Variants in GABRG3 observed in about 807,000 individuals in gnomAD.
GABRG3 encodes the protein gamma-aminobutyric acid type A receptor subunit gamma3.
GABRG3 carries 25 observed loss-of-function variants against 48.8 expected under a neutral mutation model. The observed-to-expected ratio is 0.51, with a 90% CI of 0.37 to 0.72. The LOEUF is 0.72. Among genes scored for constraint, GABRG3 ranks in the 30% least tolerant of loss-of-function variants. GABRG3 has a pLI of 0.00. For missense variants in GABRG3, 394 were observed against 577.9 expected (o/e 0.68, Z 3.26); for synonymous variants, 227 against 217.6 (o/e 1.04, Z -0.38).
At chr15:27,372,668 G>A (rs998498091) in intron 5 of GABRG3, among the ~76,000 whole-genome samples, 6 of 152,202 alleles carry the variant, frequency 3.9e-5, no homozygotes, top group Admixed American at 1.3e-4. Flanking sequence ...CTAGGCCACC[G>A]TGCCTGGCTT....
intron 3 of GABRG3, among the ~76,000 whole-genome samples, chr15:27,087,499 T>A (rs78544716): frequency 0.018 from 2,791 of 152,256 alleles, 84 homozygotes; most frequent in African/African-American, 0.063. Flanking sequence ...AGATGACTTT[T>A]AAAAAGGACA....
Position 27,420,361 on chromosome 15 carries a change from A to G in GABRG3, c.575-60289A>G, listed in dbSNP as rs142160686. 6.8e-3 allele frequency among the ~76,000 whole-genome samples: 1,030 copies of G among 152,362 alleles called. 16 individuals are homozygous for G. The highest frequency in any genetic ancestry group is 0.023 in the African/African-American group (970 of 41,582). On this transcript the variant is annotated intron_variant, in intron 5 of 9. Coordinates refer to ENST00000615808, the MANE Select transcript of GABRG3 (RefSeq NM_033223.5). The stretch of plus-strand genomic sequence containing the variant: ...AGACAAATACTGTATGATCTCATTT[A>G]TAAGTGAAATGTAAAACAGTTGAAC...
At chr15:27,170,688 C>T (rs1389870157) in intron 3 of GABRG3, among the ~76,000 whole-genome samples, 1 of 152,140 alleles carries the variant, frequency 6.6e-6, no homozygotes, top group East Asian at 1.9e-4. Flanking sequence ...TATCAGTGCT[C>T]TCAATTATTT....
intron 5 of GABRG3, among the ~76,000 whole-genome samples, chr15:27,381,894 A>G (rs1895788052): frequency 6.6e-6 from 1 of 152,160 alleles, no homozygotes; most frequent in Non-Finnish European, 1.5e-5. Context: ...TGTTGAGTGG[A>G]TGGAAGTATG....
chr15:27,003,423 T>A lies in GABRG3; in HGVS notation c.203-23331T>A, dbSNP rs544649186. ...CTTGAGATTAGGGAGTGGTGATGAC[T>A]CTTAACGAGCATGCTGCCTTCAAGC... On this transcript the variant is annotated intron_variant, in intron 2 of 9. Coordinates refer to ENST00000615808, the MANE Select transcript of GABRG3 (RefSeq NM_033223.5). 2.6e-5 allele frequency among the ~76,000 whole-genome samples: 4 copies of A among 151,244 alleles called. No individual in the cohort carries two copies. In the South Asian group the frequency reaches 8.3e-4, roughly 31 times the overall value.
intron 6 of GABRG3, among the ~76,000 whole-genome samples, chr15:27,518,698 G>A (rs912234768): frequency 1.3e-5 from 2 of 152,160 alleles, no homozygotes; most frequent in South Asian, 4.1e-4. Flanking sequence ...GTTTTGGCAA[G>A]TCTGAGGCCC....
intron 3 of GABRG3, among the ~76,000 whole-genome samples, chr15:27,184,900 A>T (rs556272838): frequency 6.6e-6 from 1 of 152,068 alleles, no homozygotes; most frequent in African/African-American, 2.4e-5. Flanking sequence ...TTCACTCCTG[A>T]TATTTGGCAA....
At chr15:27,327,060 C>A in intron 4 of GABRG3, 31 bp downstream of exon 4, 1 of 1,562,544 alleles carries the variant, frequency 6.4e-7, no homozygotes, top group Non-Finnish European at 8.8e-7. Flanking sequence ...TTGATTACTC[C>A]TGGTTTAAAA....
intron 6 of GABRG3, among the ~76,000 whole-genome samples, chr15:27,482,411 C>T (rs1265447165): frequency 1.3e-5 from 2 of 152,146 alleles, no homozygotes; most frequent in Non-Finnish European, 2.9e-5. Flanking sequence ...TATCCAGCAT[C>T]AATTCAAGTG....
At chr15:27,153,925 C>T (rs762471078) in intron 3 of GABRG3, among the ~76,000 whole-genome samples, 1 of 152,094 alleles carries the variant, frequency 6.6e-6, no homozygotes, top group Non-Finnish European at 1.5e-5. Flanking sequence ...TGCCTTTTGA[C>T]ATCACTTGTA....
chr15:27,389,198 A>C (rs920616264), intron 5 of GABRG3, among the ~76,000 whole-genome samples: 3 of 152,222 alleles, frequency 2.0e-5, no homozygotes, highest in African/African-American at 7.2e-5. Flanking sequence ...CCATTTCATT[A>C]AAATAGAAAA....
intron 3 of GABRG3, among the ~76,000 whole-genome samples, chr15:27,067,562 T>C (rs953593377): frequency 1.3e-5 from 2 of 152,172 alleles, no homozygotes; most frequent in African/African-American, 2.4e-5. Context: ...TGCTCCAGAG[T>C]GCCCCTGTGG....
At chr15:27,397,370 A>G (rs1887336867) in intron 5 of GABRG3, among the ~76,000 whole-genome samples, 1 of 152,088 alleles carries the variant, frequency 6.6e-6, no homozygotes, top group Non-Finnish European at 1.5e-5. Flanking sequence ...TTGATCTAGA[A>G]CTTGTAATTT....
chr15:27,166,821 G>C (rs771938190), intron 3 of GABRG3, among the ~76,000 whole-genome samples: 27 of 152,168 alleles, frequency 1.8e-4, no homozygotes, highest in Non-Finnish European at 3.7e-4. Flanking sequence ...TCAATGCAAA[G>C]ACAAAGCACT....
chr15:27,020,697 T>G (rs893209100), intron 2 of GABRG3, among the ~76,000 whole-genome samples: 8 of 152,014 alleles, frequency 5.3e-5, no homozygotes, highest in South Asian at 2.1e-4. Context: ...GATTACCGGC[T>G]TGAGCCACCG....
At chr15:27,356,071 G>C (rs980360241) in intron 5 of GABRG3, among the ~76,000 whole-genome samples, 1 of 152,148 alleles carries the variant, frequency 6.6e-6, no homozygotes, top group African/African-American at 2.4e-5. Context: ...TACTTTTAAA[G>C]GGCGACCTTT....
chr15:27,231,267 C>G (rs57989102), intron 3 of GABRG3, among the ~76,000 whole-genome samples: 11 of 103,584 alleles, frequency 1.1e-4, no homozygotes, highest in African/African-American at 4.9e-4. Context: ...AAAAAATCCT[C>G]TAACAGTTCT....
Position 27,117,679 on chromosome 15 carries a change from C to T in GABRG3, c.270+90858C>T, listed in dbSNP as rs140077237. Among the ~76,000 whole-genome samples, 22 of 152,290 alleles carry T rather than the reference C, an allele frequency of 1.4e-4. No individual in the cohort carries two copies. In the East Asian group the frequency reaches 4.2e-3, roughly 29 times the overall value. On this transcript the variant is annotated intron_variant, in intron 3 of 9. Coordinates refer to ENST00000615808, the MANE Select transcript of GABRG3 (RefSeq NM_033223.5). ...GAAAGTTTTTCTTCATCTGCTAATA[C>T]TATTTCTGACCTCTGGAATGATTCA...
intron 3 of GABRG3, among the ~76,000 whole-genome samples, chr15:27,216,320 T>TTACCA (rs1889244912): frequency 6.6e-6 from 1 of 152,110 alleles, no homozygotes. Context: ...AAAGGGAGGA[T>TTACCA]CTGCCACAAG....
Sources: allele counts gnomAD v4.1 joint callset (sites outside exome capture counted in the v4.1 genomes callset), GRCh38; gene constraint gnomAD v4.1.1; transcripts MANE v1.5; gene names NCBI Gene and HGNC (gene_info 2026-07-23, HGNC 2026-07-21).